The following ANKS1B variants were observed in gnomAD, a reference collection of about 807,000 sequenced individuals.
ANKS1B encodes the protein ankyrin repeat and sterile alpha motif domain-containing protein 1B.
ANKS1B carries 36 observed loss-of-function variants against 148.3 expected under a neutral mutation model. The ratio of observed to expected loss-of-function variants is 0.24; its 90% CI spans 0.19 to 0.32. ANKS1B has a LOEUF of 0.32. Among genes scored for constraint, ANKS1B ranks in the 10% least tolerant of loss-of-function variants. The pLI, the probability that ANKS1B is intolerant of heterozygous loss-of-function variation, is 1.00. For synonymous variants in ANKS1B, 542 were observed against 560.8 expected, an observed-to-expected ratio of 0.97 and a Z score of 0.47; for missense variants, 1,157 against 1,542.6, an observed-to-expected ratio of 0.75 and a Z score of 4.19.
chr12:99,854,419 G>C (rs1005111664), intron 1 of ANKS1B, among the ~76,000 whole-genome samples: 3 of 152,176 alleles, frequency 2.0e-5, no homozygotes, highest in African/African-American at 7.2e-5. Flanking sequence ...CCAAACCTAC[G>C]AATAATTGGT....
intron 9 of ANKS1B, among the ~76,000 whole-genome samples, chr12:99,547,841 G>A (rs1156488427): frequency 1.3e-5 from 2 of 152,062 alleles, no homozygotes; most frequent in African/African-American, 4.8e-5. Context: ...TATTCCAAAG[G>A]TAGAAGAGTT....
chr12:99,465,327 A>G (rs2096080591), intron 10 of ANKS1B, among the ~76,000 whole-genome samples: 1 of 152,232 alleles, frequency 6.6e-6, no homozygotes, highest in Non-Finnish European at 1.5e-5. Flanking sequence ...AGTACCAGCC[A>G]CTGCAAAATC....
intron 1 of ANKS1B, among the ~76,000 whole-genome samples, chr12:99,833,448 A>T (rs1289657854): frequency 6.6e-6 from 1 of 152,170 alleles, no homozygotes; most frequent in Non-Finnish European, 1.5e-5. Context: ...AGGGTGAGAA[A>T]ATTCAAATTG....
intron 12 of ANKS1B, among the ~76,000 whole-genome samples, chr12:99,316,197 T>G (rs1036565058): frequency 1.3e-5 from 2 of 152,324 alleles, no homozygotes; most frequent in East Asian, 1.9e-4. Context: ...GTAATGGGAT[T>G]GCTGGGTCAA....
intron 14 of ANKS1B, among the ~76,000 whole-genome samples, chr12:99,209,738 C>T (rs2083109089): frequency 1.3e-5 from 2 of 152,148 alleles, no homozygotes; most frequent in South Asian, 2.1e-4. Context: ...TTAAAGTTCA[C>T]CTTGATCAAA....
At chr12:99,077,451 G>T (rs1286755219) in intron 16 of ANKS1B, among the ~76,000 whole-genome samples, 1 of 151,954 alleles carries the variant, frequency 6.6e-6, no homozygotes, top group Non-Finnish European at 1.5e-5. Flanking sequence ...TACCATGAGA[G>T]CATCTATGCC....
chr12:98,991,998 CAGAT>C (rs982499962), intron 17 of ANKS1B, among the ~76,000 whole-genome samples: 17 of 152,190 alleles, frequency 1.1e-4, no homozygotes, highest in East Asian at 5.8e-4. Context: ...TAGGAAGTGA[CAGAT>C]GGATGGCACA....
intron 9 of ANKS1B, among the ~76,000 whole-genome samples, chr12:99,519,352 T>G (rs1458230767): frequency 1.3e-5 from 2 of 152,144 alleles, no homozygotes; most frequent in African/African-American, 4.8e-5. Context: ...TTAAGGCCTA[T>G]CTGTCTCTTT....
intron 8 of ANKS1B, among the ~76,000 whole-genome samples, chr12:99,676,305 G>A (rs557652344): frequency 4.3e-4 from 65 of 152,088 alleles, no homozygotes; most frequent in African/African-American, 1.4e-3. Context: ...TAATACACTC[G>A]CATATATAAA....
intron 15 of ANKS1B, among the ~76,000 whole-genome samples, chr12:99,146,954 A>C (rs2073333031): frequency 6.6e-6 from 1 of 152,108 alleles, no homozygotes; most frequent in African/African-American, 2.4e-5. Flanking sequence ...GAACATGCCC[A>C]CGCCCATTTA....
intron 12 of ANKS1B, among the ~76,000 whole-genome samples, chr12:99,387,204 C>T (rs940633338): frequency 1.3e-5 from 2 of 152,102 alleles, no homozygotes; most frequent in African/African-American, 2.4e-5. Flanking sequence ...AATGTTTGTA[C>T]CCTCCCAAAA....
At chr12:99,113,925 T>A (rs1027990709) in intron 15 of ANKS1B, among the ~76,000 whole-genome samples, 8 of 152,240 alleles carry the variant, frequency 5.3e-5, no homozygotes, top group African/African-American at 1.7e-4. Context: ...TAGTTATACC[T>A]ATAGTCATTC....
At chr12:99,224,467 G>A (rs1014304571) in intron 14 of ANKS1B, among the ~76,000 whole-genome samples, 1 of 152,034 alleles carries the variant, frequency 6.6e-6, no homozygotes, top group Non-Finnish European at 1.5e-5. Flanking sequence ...GAGTTCTCTC[G>A]TGAGATCTGG....
At chr12:99,185,812 C>T (rs745858219) in intron 14 of ANKS1B, among the ~76,000 whole-genome samples, 39 of 152,170 alleles carry the variant, frequency 2.6e-4, no homozygotes, top group African/African-American at 8.4e-4. Flanking sequence ...TAAAATTGGG[C>T]GGCCATTTGG....
rs75685813 is a variant in ANKS1B at position 99,914,915 on chromosome 12, G to C, written c.134+69189C>G. Reference sequence around the variant, plus strand: ...TCATTGCCTCTAGACCAGTAACTAGGGTCAGGTCCTACTGATAAAAGCTCC... The same window carrying C: ...TCATTGCCTCTAGACCAGTAACTAGCGTCAGGTCCTACTGATAAAAGCTCC... On this transcript the variant is annotated intron_variant, in intron 1 of 26. Transcript: ENST00000683438. 3.2e-3 allele frequency among the ~76,000 whole-genome samples: 481 copies of C among 152,016 alleles called. 3 individuals carry two copies. The highest frequency in any genetic ancestry group is 0.011 in the African/African-American group (453 of 41,468).
chr12:98,891,655 C>G (rs2099752978), intron 17 of ANKS1B, among the ~76,000 whole-genome samples: 1 of 152,154 alleles, frequency 6.6e-6, no homozygotes, highest in African/African-American at 2.4e-5. Flanking sequence ...TGAAAACAAC[C>G]ATTTTAAGGC....
At chr12:99,063,079 A>C (rs2042972054) in intron 16 of ANKS1B, among the ~76,000 whole-genome samples, 1 of 152,044 alleles carries the variant, frequency 6.6e-6, no homozygotes, top group Admixed American at 6.6e-5. Context: ...AAACACAGCA[A>C]CCTATCATTT....
intron 14 of ANKS1B, among the ~76,000 whole-genome samples, chr12:99,164,613 A>C (rs942412636): frequency 2.0e-5 from 3 of 152,028 alleles, no homozygotes; most frequent in African/African-American, 7.2e-5. Context: ...TTTCCCTCTC[A>C]AAAACGCTCT....
chr12:99,226,818 A>G (rs909560872), intron 14 of ANKS1B, among the ~76,000 whole-genome samples: 1 of 152,218 alleles, frequency 6.6e-6, no homozygotes, highest in African/African-American at 2.4e-5. Flanking sequence ...TAAAAAAACT[A>G]CATCAACCTG....
Sources: allele counts gnomAD v4.1 joint callset (sites outside exome capture counted in the v4.1 genomes callset), GRCh38; gene constraint gnomAD v4.1.1; transcripts MANE v1.5; gene names NCBI Gene and HGNC (gene_info 2026-07-23, HGNC 2026-07-21).